Variants in TBX5 observed in about 807,000 individuals in gnomAD.
The protein encoded by TBX5 is T-box transcription factor TBX5.
A neutral mutation model predicts 51.1 loss-of-function variants in TBX5; 8 were observed. The ratio of observed to expected loss-of-function variants is 0.16; its 90% CI spans 0.09 to 0.28. The LOEUF is 0.28. Ranked by LOEUF, TBX5 falls within the 10% of genes least tolerant of loss-of-function variation. The pLI, the probability that TBX5 is intolerant of heterozygous loss-of-function variation, is 1.00. For missense variants in TBX5, 589 were observed against 671.7 expected, an observed-to-expected ratio of 0.88 and a Z score of 1.36; for synonymous variants, 302 against 266.4, an observed-to-expected ratio of 1.13 and a Z score of -1.30.
intron 1 of TBX5, among the ~76,000 whole-genome samples, chr12:114,405,416 G>A (rs1872144854): frequency 1.3e-5 from 2 of 152,182 alleles, no homozygotes; most frequent in Non-Finnish European, 2.9e-5. Flanking sequence ...GACAGAACCA[G>A]GCCGTGCTTC....
chr12:114,384,745 A>ACACACACAACACAC (rs10629159), intron 7 of TBX5, among the ~76,000 whole-genome samples: 22 of 115,238 alleles, frequency 1.9e-4, no homozygotes, highest in African/African-American at 7.2e-4. Context: ...ACACACACAC[A>ACACACACAACACAC]ACACACACAC....
At position 114,406,096 on chromosome 12, in the gene TBX5, C is replaced by T. The variant is rs1872202379; in HGVS notation, c.-507G>A. 1.1e-6 allele frequency: 1 copy of T among 936,778 alleles called. No individual in the cohort carries two copies. The allele number at this position is 936,778 out of a possible 1,614,324, so 58.0% of individuals were successfully genotyped here. On this transcript the variant is annotated 5_prime_UTR_variant, in exon 1 of 9. Transcript: ENST00000405440. ...TCTCTCTCTCTGAAATACAAGCCAACTCAGCTGAGCACAGTGACGTTGGGT... is the reference window on the plus strand; with the variant it reads ...TCTCTCTCTCTGAAATACAAGCCAATTCAGCTGAGCACAGTGACGTTGGGT...
chr12:114,402,080 G>A (rs781418702), intron 2 of TBX5, among the ~76,000 whole-genome samples, 160 bp from the exon 3 acceptor site: 10 of 152,182 alleles, frequency 6.6e-5, no homozygotes, highest in Non-Finnish European at 1.3e-4. Context: ...ATTATCTGGA[G>A]CACCCAACAG....
At chr12:114,372,479 A>AT (rs35549331) in intron 7 of TBX5, among the ~76,000 whole-genome samples, 38,279 of 144,472 alleles carry the variant, frequency 0.26, 5,905 homozygotes, top group African/African-American at 0.45. Context: ...CAATAGTTGT[A>AT]TTTTTTTTTT....
chr12:114,370,163 G>A (rs1281887819), intron 7 of TBX5, among the ~76,000 whole-genome samples: 1 of 151,418 alleles, frequency 6.6e-6, no homozygotes, highest in Non-Finnish European at 1.5e-5. Context: ...CCTGGGAGGT[G>A]GAGGTTGCAA....
At position 114,399,599 on chromosome 12, in the gene TBX5, C is replaced by T. The variant is rs773971213; in HGVS notation, c.276G>A (p.Thr92=). 6.2e-7 allele frequency: 1 copy of T among 1,614,082 alleles called. No homozygotes were observed. The highest frequency in any genetic ancestry group is 8.5e-7 in the Non-Finnish European group (1 of 1,180,030). The change falls in exon 4 of 9, where the codon ACG becomes ACA. Residue 92 remains threonine, a synonymous_variant. Coordinates refer to ENST00000405440, the MANE Select transcript of TBX5 (RefSeq NM_181486.4). ...TGTACTTCGTTTTGGGATTAAGGCC[C>T]GTCACCTTCACTTTGTAACTGGGAA... is the stretch of plus-strand genomic sequence containing the variant. ...RMFPSYKVKV[T]GLNPKTKYIL...
intron 5 of TBX5, 56 bp downstream of exon 5, chr12:114,398,517 G>A: frequency 6.3e-7 from 1 of 1,588,712 alleles, no homozygotes; most frequent in Non-Finnish European, 8.6e-7. Context: ...CCAGTGAGAA[G>A]AAGGGAGAGA....
chr12:114,384,960 G>A (rs549552867), intron 7 of TBX5, among the ~76,000 whole-genome samples: 3 of 152,124 alleles, frequency 2.0e-5, no homozygotes, highest in African/African-American at 7.2e-5. Flanking sequence ...TATGACCACA[G>A]GATATGTAAA....
At chr12:114,405,487 G>C (rs1046347938) in intron 1 of TBX5, 141 bp downstream of exon 1, 1 of 158,494 alleles carries the variant, frequency 6.3e-6, no homozygotes, top group Admixed American at 6.5e-5. Context: ...TTGCCGGGGA[G>C]CTCCGAGCCG....
At chr12:114,406,299 T>C (rs1422941824), upstream of TBX5, among the ~76,000 whole-genome samples, 1 of 143,678 alleles carries the variant, frequency 7.0e-6, no homozygotes, top group Non-Finnish European at 1.5e-5. Flanking sequence ...AGACCTGCAA[T>C]AACTCCCTCC....
chr12:114,381,174 A>C (rs12321430), intron 7 of TBX5, among the ~76,000 whole-genome samples: 5,512 of 152,300 alleles, frequency 0.036, 295 homozygotes, highest in African/African-American at 0.12. Context: ...ACAGCCAGAC[A>C]TTTGCCAAGC....
chr12:114,373,453 A>C (rs1469586249), intron 7 of TBX5, among the ~76,000 whole-genome samples: 1 of 152,154 alleles, frequency 6.6e-6, no homozygotes, highest in Non-Finnish European at 1.5e-5. Flanking sequence ...ATTCAAGCTA[A>C]AGTTTGTTTG....
chr12:114,397,526 C>T (rs1593878891), intron 5 of TBX5, among the ~76,000 whole-genome samples: 1 of 152,178 alleles, frequency 6.6e-6, no homozygotes, highest in East Asian at 1.9e-4. Flanking sequence ...GATTTGGGGA[C>T]ATTTTTTCAA....
At chr12:114,381,058 GT>G (rs1467151825) in intron 7 of TBX5, among the ~76,000 whole-genome samples, 1 of 152,110 alleles carries the variant, frequency 6.6e-6, no homozygotes, top group Non-Finnish European at 1.5e-5. Context: ...ATAATAAGCA[GT>G]GATTGCTCCT....
intron 8 of TBX5, among the ~76,000 whole-genome samples, chr12:114,361,314 C>T (rs1001868168): frequency 2.0e-5 from 3 of 152,204 alleles, no homozygotes; most frequent in African/African-American, 7.2e-5. Context: ...CTGCAAAGCC[C>T]TTTTCCATAT....
At chr12:114,372,537 G>A (rs1004695978) in intron 7 of TBX5, among the ~76,000 whole-genome samples, 1 of 151,654 alleles carries the variant, frequency 6.6e-6, no homozygotes, top group South Asian at 2.1e-4. Context: ...TTTTGATCTG[G>A]CCTCAAGTGA....
At chr12:114,385,422 G>T in intron 7 of TBX5, 54 bp downstream of exon 7, 1 of 1,523,624 alleles carries the variant, frequency 6.6e-7, no homozygotes, top group Non-Finnish European at 9.1e-7. Flanking sequence ...TGGCTTACCT[G>T]GGTAATTTGA....
chr12:114,405,642 C>T lies in TBX5; in HGVS notation c.-53G>A. The T allele has an allele frequency of 1.1e-6, 1 of 935,660 alleles. No homozygotes were observed. Among genetic ancestry groups the T allele is most frequent in the Non-Finnish European group, 1.3e-6 (1 of 784,524 alleles). The allele number at this position is 935,660 out of a possible 1,614,324, so 58.0% of individuals were successfully genotyped here. ...GGGACGGTTACCTCGTTCGGTGAAGCCGGTGCATTCACCACATCCTCTGCT... is the reference window on the plus strand; with the variant it reads ...GGGACGGTTACCTCGTTCGGTGAAGTCGGTGCATTCACCACATCCTCTGCT... On this transcript the variant is annotated 5_prime_UTR_variant, in exon 1 of 9. Coordinates refer to ENST00000405440, the MANE Select transcript of TBX5 (RefSeq NM_181486.4).
intron 7 of TBX5, among the ~76,000 whole-genome samples, chr12:114,367,012 G>A (rs1944048488): frequency 6.6e-6 from 1 of 152,162 alleles, no homozygotes; most frequent in African/African-American, 2.4e-5. Flanking sequence ...GATAATGAAT[G>A]TCCCCAGTTC....
Sources: gnomAD v4.1 joint callset for allele counts (sites outside exome capture counted in the v4.1 genomes callset) on GRCh38, gnomAD v4.1.1 for gene constraint, MANE v1.5 for transcripts, NCBI Gene and HGNC (gene_info 2026-07-23, HGNC 2026-07-21) for gene names.